Variants in GNAQ observed in about 807,000 individuals in gnomAD.
GNAQ encodes the protein G protein subunit alpha q.
In GNAQ, 8 loss-of-function variants were observed where a neutral mutation model predicts 43.9. The ratio of observed to expected loss-of-function variants is 0.18; its 90% confidence interval spans 0.11 to 0.33. The LOEUF is 0.33. Among genes scored for constraint, GNAQ ranks in the 10% least tolerant of loss-of-function variants. The probability of loss-of-function intolerance (pLI) is 1.00; values close to 1 mark genes in which losing one functional copy is unlikely to be tolerated. For missense variants in GNAQ, 158 were observed against 450.8 expected, an observed-to-expected ratio of 0.35 and a Z score of 5.88; for synonymous variants, 155 against 170.7, an observed-to-expected ratio of 0.91 and a Z score of 0.71.
intron 5 of GNAQ, among the ~76,000 whole-genome samples, chr9:77,761,280 G>T (rs1826011356): frequency 8.4e-6 from 1 of 118,456 alleles, no homozygotes; most frequent in African/African-American, 3.0e-5. Flanking sequence ...AGGTGGGGGG[G>T]TCAGCCCCCC....
intron 5 of GNAQ, among the ~76,000 whole-genome samples, chr9:77,769,664 CTTTTTTTT>C (rs539379703): frequency 3.1e-5 from 4 of 129,120 alleles, no homozygotes; most frequent in Non-Finnish European, 4.9e-5. Flanking sequence ...GACAAGAACT[CTTTTTTTT>C]TTTTTTTTTT....
At chr9:77,832,162 C>A (rs1827308787) in intron 2 of GNAQ, among the ~76,000 whole-genome samples, 1 of 151,448 alleles carries the variant, frequency 6.6e-6, no homozygotes, top group South Asian at 2.1e-4. Flanking sequence ...AACTCTTCTA[C>A]ACAATGTACT....
chr9:77,996,076 A>C (rs1179046338), intron 1 of GNAQ, among the ~76,000 whole-genome samples: 8 of 150,412 alleles, frequency 5.3e-5, no homozygotes, highest in African/African-American at 2.0e-4. Context: ...TCAGGAACCC[A>C]CACAAAACGG....
intron 2 of GNAQ, among the ~76,000 whole-genome samples, chr9:77,875,159 C>T (rs977029333): frequency 3.9e-5 from 6 of 152,136 alleles, no homozygotes; most frequent in African/African-American, 1.2e-4. Flanking sequence ...TAACTAACTT[C>T]GTCATACTCC....
intron 2 of GNAQ, among the ~76,000 whole-genome samples, chr9:77,917,160 G>A (rs889005643): frequency 3.9e-5 from 6 of 152,132 alleles, no homozygotes; most frequent in Admixed American, 2.0e-4. Context: ...AACAGGCAAC[G>A]CAGGAAGAAC....
chr9:77,806,139 T>A (rs1282387349), intron 3 of GNAQ, among the ~76,000 whole-genome samples: 1 of 152,074 alleles, frequency 6.6e-6, no homozygotes, highest in Non-Finnish European at 1.5e-5. Flanking sequence ...ACAATAGCAA[T>A]GAGAGAGAAA....
intron 2 of GNAQ, among the ~76,000 whole-genome samples, chr9:77,847,778 G>A (rs1234819301): frequency 1.3e-5 from 2 of 152,174 alleles, no homozygotes; most frequent in African/African-American, 4.8e-5. Context: ...GGGACATGTG[G>A]TGGAGATCAA....
chr9:77,827,696 T>C (rs1827220905), intron 2 of GNAQ, among the ~76,000 whole-genome samples: 1 of 152,076 alleles, frequency 6.6e-6, no homozygotes, highest in African/African-American at 2.4e-5. Context: ...TTCATTCTTC[T>C]CTCTCATTTC....
intron 2 of GNAQ, among the ~76,000 whole-genome samples, chr9:77,903,897 A>C (rs935854338): frequency 2.6e-5 from 4 of 151,452 alleles, no homozygotes; most frequent in African/African-American, 9.7e-5. Context: ...CCTGACAGCC[A>C]GGCTACACAT....
At chr9:77,911,258 T>A (rs148431025) in intron 2 of GNAQ, among the ~76,000 whole-genome samples, 43 of 152,306 alleles carry the variant, frequency 2.8e-4, no homozygotes, top group African/African-American at 1.0e-3. Flanking sequence ...AGTCACTGCA[T>A]GTGTACAATT....
chr9:77,969,372 GT>G (rs1303529020), intron 1 of GNAQ, among the ~76,000 whole-genome samples: 1 of 152,116 alleles, frequency 6.6e-6, no homozygotes, highest in Non-Finnish European at 1.5e-5. Context: ...AATCATCAAA[GT>G]TTCCAATTTA....
intron 5 of GNAQ, among the ~76,000 whole-genome samples, chr9:77,745,675 T>C (rs926052623): frequency 1.3e-5 from 2 of 150,644 alleles, no homozygotes; most frequent in African/African-American, 4.9e-5. Flanking sequence ...TTCTAGAAAA[T>C]TTCTCAGGAA....
intron 2 of GNAQ, among the ~76,000 whole-genome samples, chr9:77,901,366 A>T (rs1038393161): frequency 1.3e-5 from 2 of 152,134 alleles, no homozygotes; most frequent in Non-Finnish European, 2.9e-5. Context: ...AACCTGGCCC[A>T]TCTGTGTATT....
chr9:77,846,550 C>T (rs966112127), intron 2 of GNAQ, among the ~76,000 whole-genome samples: 1 of 152,122 alleles, frequency 6.6e-6, no homozygotes, highest in Non-Finnish European at 1.5e-5. Context: ...TTCAAAAGAA[C>T]AACACAGAGA....
intron 3 of GNAQ, among the ~76,000 whole-genome samples, chr9:77,808,296 G>T (rs1027178183): frequency 6.6e-6 from 1 of 151,436 alleles, no homozygotes; most frequent in African/African-American, 2.4e-5. Context: ...TTTCTGAAAG[G>T]GGAATAATAA....
At chr9:78,028,588 TGA>T (rs1377994631) in intron 1 of GNAQ, among the ~76,000 whole-genome samples, 2 of 152,246 alleles carry the variant, frequency 1.3e-5, no homozygotes, top group African/African-American at 4.8e-5. Context: ...AATTTTACAT[TGA>T]TTTTCATTTC....
intron 2 of GNAQ, among the ~76,000 whole-genome samples, chr9:77,916,263 A>C (rs2118245128): frequency 6.6e-6 from 1 of 152,326 alleles, no homozygotes; most frequent in Middle Eastern, 3.4e-3. Context: ...TCAGAGGGGT[A>C]GATAAGAATA....
chr9:77,799,943 G>A (rs1411937497), intron 3 of GNAQ, among the ~76,000 whole-genome samples: 1 of 152,184 alleles, frequency 6.6e-6, no homozygotes, highest in South Asian at 2.1e-4. Context: ...GTGAAACACA[G>A]AAAGGAAACG....
intron 2 of GNAQ, among the ~76,000 whole-genome samples, chr9:77,906,328 A>G (rs547596170): frequency 1.3e-5 from 2 of 152,246 alleles, no homozygotes; most frequent in African/African-American, 4.8e-5. Context: ...GATTGGAAAG[A>G]CCTAAAACAC....
Sources: allele counts gnomAD v4.1 joint callset (sites outside exome capture counted in the v4.1 genomes callset), GRCh38; gene constraint gnomAD v4.1.1; transcripts MANE v1.5; gene names NCBI Gene and HGNC (gene_info 2026-07-23, HGNC 2026-07-21).